The following ITSN1 variants were observed in gnomAD, a reference collection of about 807,000 sequenced individuals.
ITSN1 encodes the protein intersectin-1.
ITSN1 carries 58 observed loss-of-function variants against 239.8 expected under a neutral mutation model. The ratio of observed to expected loss-of-function variants is 0.24; its 90% CI spans 0.20 to 0.30. The LOEUF (loss-of-function observed/expected upper bound fraction) is 0.30, where lower values mean the gene tolerates loss of function less well. Ranked by LOEUF, ITSN1 falls within the 10% of genes least tolerant of loss-of-function variation. The pLI is 1.00. For missense variants in ITSN1, 1,558 were observed against 2,103.3 expected (o/e 0.74, Z 5.07); for synonymous variants, 780 against 770.8 (o/e 1.01, Z -0.20).
chr21:33,837,021 A>G, intron 29 of ITSN1: 1 of 1,613,212 alleles, frequency 6.2e-7, no homozygotes, highest in Non-Finnish European at 8.5e-7. Context: ...CTCAGGCTTG[A>G]AAGTCCTCAA....
intron 33 of ITSN1, among the ~76,000 whole-genome samples, chr21:33,869,382 T>G (rs993904418): frequency 6.6e-6 from 1 of 152,210 alleles, no homozygotes; most frequent in African/African-American, 2.4e-5. Flanking sequence ...GAGAACTCAC[T>G]CACTCTCACT....
In ITSN1 at chr21:33,823,758, G is replaced by A. The variant is rs2073821879; in HGVS notation, c.3183+105G>A. Reference sequence around the variant, plus strand: ...ACTTTGTTGGGTTTTGCTAAGTTCTGGAATGTGACAGTAAATCCAGTGTGA... The same window carrying A: ...ACTTTGTTGGGTTTTGCTAAGTTCTAGAATGTGACAGTAAATCCAGTGTGA... On this transcript the variant is annotated intron_variant, in intron 25 of 39. Coordinates refer to ENST00000381318, the MANE Select transcript of ITSN1 (RefSeq NM_003024.3). 1.1e-5 allele frequency: 12 copies of A among 1,075,370 alleles called. No homozygotes were observed. In the Admixed American group the frequency reaches 2.8e-4, roughly 25 times the overall value. 66.6% of individuals were successfully genotyped at this position (1,075,370 alleles called of 1,614,324 possible).
intron 1 of ITSN1, among the ~76,000 whole-genome samples, chr21:33,703,585 A>T (rs2092119010): frequency 6.6e-6 from 1 of 152,232 alleles, no homozygotes; most frequent in South Asian, 2.1e-4. Flanking sequence ...AACTTGCTGA[A>T]AGCATGCATT....
rs1446338659 is a variant in ITSN1, at chr21:33,799,944, A to T, written c.2304+15A>T. 3.7e-6 allele frequency: 6 copies of T among 1,610,332 alleles called. No homozygotes were observed. In the Admixed American group the frequency reaches 1.0e-4, roughly 27 times the overall value. On this transcript the variant is annotated intron_variant, in intron 19 of 39. Coordinates refer to ENST00000381318, the MANE Select transcript of ITSN1 (RefSeq NM_003024.3). ...ACATAGTCATGGTAAGAAAGACTCC[A>T]GTGAGAGGGTCATTTCTGTTGAAGA...
At chr21:33,812,983 C>CT (rs1046565183) in intron 21 of ITSN1, among the ~76,000 whole-genome samples, 12 of 149,094 alleles carry the variant, frequency 8.0e-5, no homozygotes, top group South Asian at 4.3e-4. Flanking sequence ...TGGCATGTAG[C>CT]TTTTTTTTTT....
chr21:33,838,061 G>A (rs1190558317), intron 29 of ITSN1: 1 of 985,634 alleles, frequency 1.0e-6, no homozygotes. Context: ...ACTAGACTGT[G>A]GAATTTCTAC....
chr21:33,832,821 G>C lies in ITSN1; in HGVS notation c.3352-1486G>C, dbSNP rs951600591. 2.6e-5 allele frequency among the ~76,000 whole-genome samples: 4 copies of C among 152,156 alleles called. 1 individual carries two copies. The highest frequency in any genetic ancestry group is 6.5e-5 in the Admixed American group (1 of 15,278). ...CTAGAGGTATCCCTCTTGATAAACT[G>C]GCAGGTGGGAGGGCAGAGGTAATGT... is the stretch of plus-strand genomic sequence containing the variant. On this transcript the variant is annotated intron_variant, in intron 27 of 39. Transcript: ENST00000381318.
chr21:33,668,372 A>G (rs2090055518), intron 1 of ITSN1, among the ~76,000 whole-genome samples: 1 of 152,250 alleles, frequency 6.6e-6, no homozygotes, highest in Non-Finnish European at 1.5e-5. Flanking sequence ...CACTGAGGTT[A>G]GGATGGGCTC....
At chr21:33,713,971 A>T (rs910616622) in intron 1 of ITSN1, among the ~76,000 whole-genome samples, 6 of 150,674 alleles carry the variant, frequency 4.0e-5, no homozygotes, top group African/African-American at 1.5e-4. Flanking sequence ...AGTAGCTGGG[A>T]CTACAGGCAT....
At chr21:33,788,961 AAATG>A (rs1390427327) in intron 16 of ITSN1, among the ~76,000 whole-genome samples, 1 of 152,214 alleles carries the variant, frequency 6.6e-6, no homozygotes, top group Non-Finnish European at 1.5e-5. Flanking sequence ...TAAATTTTTT[AAATG>A]AATGAATAAA....
intron 29 of ITSN1, chr21:33,837,537 A>G (rs1318598701): frequency 1.0e-5 from 10 of 985,892 alleles, no homozygotes; most frequent in Non-Finnish European, 1.2e-5. Context: ...CCCCCTTACC[A>G]TAGAAGTGCA....
chr21:33,683,428 A>G (rs375296952), intron 1 of ITSN1, among the ~76,000 whole-genome samples: 3 of 152,304 alleles, frequency 2.0e-5, no homozygotes, highest in East Asian at 3.9e-4. Flanking sequence ...TTTAGCTAGC[A>G]GCTGATCTTG....
At chr21:33,744,188 A>G (rs1569078062) in intron 5 of ITSN1, among the ~76,000 whole-genome samples, 1 of 152,206 alleles carries the variant, frequency 6.6e-6, no homozygotes, top group African/African-American at 2.4e-5. Flanking sequence ...AAATAATTTA[A>G]TGCATTCAGA....
intron 1 of ITSN1, among the ~76,000 whole-genome samples, chr21:33,694,847 G>C (rs2091723962): frequency 6.6e-6 from 1 of 152,066 alleles, no homozygotes; most frequent in Non-Finnish European, 1.5e-5. Context: ...AACAGACAGG[G>C]TCTTTCACTC....
chr21:33,722,857 T>C (rs1342517110), intron 4 of ITSN1, among the ~76,000 whole-genome samples: 2 of 152,190 alleles, frequency 1.3e-5, no homozygotes, highest in South Asian at 2.1e-4. Flanking sequence ...AAAAAAGTGG[T>C]GACATTTGAA....
At chr21:33,733,899 T>G (rs2066339351) in intron 4 of ITSN1, among the ~76,000 whole-genome samples, 1 of 152,210 alleles carries the variant, frequency 6.6e-6, no homozygotes, top group African/African-American at 2.4e-5. Context: ...TTGATCACTT[T>G]TAGAGATTTT....
intron 2 of ITSN1, 149 bp from the exon 3 acceptor site, chr21:33,721,029 G>A: frequency 1.8e-6 from 1 of 546,718 alleles, no homozygotes. Flanking sequence ...AACTTTATAT[G>A]CATAACTTCC....
chr21:33,781,975 C>T lies in ITSN1; in HGVS notation c.1685-19C>T, dbSNP rs372285340. On this transcript the variant is annotated intron_variant, in intron 15 of 39. Coordinates refer to ENST00000381318, the MANE Select transcript of ITSN1 (RefSeq NM_003024.3). ...CAAATTAAAGTTTTTCTTATCTTTG[C>T]GACGTTTTTCTAAAATAGGAGATTC... 3.8e-5 allele frequency: 59 copies of T among 1,571,130 alleles called. No individual in the cohort carries two copies. Among genetic ancestry groups the T allele is most frequent in the South Asian group, 4.7e-5 (4 of 84,606 alleles).
intron 1 of ITSN1, among the ~76,000 whole-genome samples, chr21:33,695,422 T>C (rs988019482): frequency 6.6e-6 from 1 of 152,224 alleles, no homozygotes; most frequent in Non-Finnish European, 1.5e-5. Flanking sequence ...GGAAATGTTA[T>C]TCAGTGAAGT....
Sources: gnomAD v4.1 joint callset for allele counts (sites outside exome capture counted in the v4.1 genomes callset) on GRCh38, gnomAD v4.1.1 for gene constraint, MANE v1.5 for transcripts, NCBI Gene and HGNC (gene_info 2026-07-23, HGNC 2026-07-21) for gene names.